The following GAS2L1 variants were observed in gnomAD, a reference collection of about 807,000 sequenced individuals.
GAS2L1 encodes GAS2-like protein 1.
A neutral mutation model predicts 44.0 loss-of-function variants in GAS2L1; 26 were observed. The observed-to-expected ratio is 0.59, with a 90% CI of 0.43 to 0.82. GAS2L1 has a LOEUF of 0.82. Ranked by LOEUF, GAS2L1 falls within the 40% of genes least tolerant of loss-of-function variation. GAS2L1 has a pLI of 0.00. For missense variants in GAS2L1, 1,006 were observed against 983.0 expected, an observed-to-expected ratio of 1.02 and a Z score of -0.31; for synonymous variants, 426 against 415.9, an observed-to-expected ratio of 1.02 and a Z score of -0.30.
Position 29,310,420 on chromosome 22 carries a change from C to CCT in GAS2L1, c.634-10_634-9dup. ...GGAGGACTTGACCTCTGACCCCTACCCTCTCTCTCTGGCCTCAGGTGAGGG... is the reference window on the plus strand; with the variant it reads ...GGAGGACTTGACCTCTGACCCCTACCCTCTCTCTCTCTGGCCTCAGGTGAGGG... On this transcript the variant is annotated intron_variant, in intron 1 of 4. Coordinates refer to ENST00000618518, the Ensembl canonical transcript of GAS2L1. The CCT allele has an allele frequency of 7.1e-7, 1 of 1,401,678 alleles. No individual in the cohort carries two copies. The highest frequency in any genetic ancestry group is 1.0e-6 in the Non-Finnish European group (1 of 988,360). The allele number at this position is 1,401,678 out of a possible 1,614,324, so 86.8% of individuals were successfully genotyped here.
intron 1 of GAS2L1, among the ~76,000 whole-genome samples, chr22:29,309,058 A>G (rs981909964): frequency 8.5e-5 from 13 of 152,284 alleles, no homozygotes; most frequent in African/African-American, 2.9e-4. Flanking sequence ...GGGGGGCCGC[A>G]TGATCGGGGC....
exon 5 of GAS2L1, chr22:29,311,607 C>T: frequency 1.3e-6 from 2 of 1,538,826 alleles, no homozygotes; most frequent in Middle Eastern, 1.7e-4. Context: ...ACCCAGCCGG[C>T]GGCTGACCAC....
exon 5 of GAS2L1, chr22:29,312,375 C>T (rs1044049432): frequency 1.9e-6 from 3 of 1,600,318 alleles, no homozygotes; most frequent in East Asian, 4.5e-5. Flanking sequence ...ACAGCCAGAC[C>T]GTAAACCCTC....
upstream of GAS2L1, chr22:29,307,006 C>T (rs1402293579): frequency 6.6e-6 from 1 of 152,208 alleles, no homozygotes; most frequent in East Asian, 1.9e-4. Context: ...ATCCGAATTC[C>T]AGGGAGGCGG....
chr22:29,310,277 TAAAAG>T (rs2061389695), intron 1 of GAS2L1, 157 bp from the exon 3 acceptor site: 3 of 394,876 alleles, frequency 7.6e-6, no homozygotes, highest in African/African-American at 6.6e-5. Flanking sequence ...ATAAAAAAAA[TAAAAG>T]AAAGGTCACG....
chr22:29,311,125 C>T lies in GAS2L1; in HGVS notation c.1010+127C>T, dbSNP rs2061400876. 8.9e-6 allele frequency: 8 copies of T among 903,650 alleles called. No individual in the cohort carries two copies. The South Asian group carries it at 1.0e-4, about 12-fold the overall frequency. The allele number at this position is 903,650 out of a possible 1,614,324, so 56.0% of individuals were successfully genotyped here. A position where few individuals can be genotyped will look rare whatever the true frequency, so the allele number is the denominator to read the frequency against. On this transcript the variant is annotated intron_variant, in intron 4 of 4. Transcript: ENST00000618518. ...TGGGAAAAGTTCCCGTGGGTGGGGGCGGGCCTGGCTTCCCATCTCCATGGC... is the reference window on the plus strand; with the variant it reads ...TGGGAAAAGTTCCCGTGGGTGGGGGTGGGCCTGGCTTCCCATCTCCATGGC...
chr22:29,308,697 C>T (rs778008336), exon 1 of GAS2L1: 31 of 1,502,590 alleles, frequency 2.1e-5, no homozygotes, highest in Non-Finnish European at 2.6e-5. Context: ...TGCCCGCGGC[C>T]CCCGCATGAC....
exon 5 of GAS2L1, chr22:29,312,591 G>T: frequency 1.1e-6 from 1 of 915,250 alleles, no homozygotes; most frequent in Admixed American, 3.2e-5. Flanking sequence ...TGCCTCTTGA[G>T]TACCAGACCT....
At chr22:29,311,968 C>G in exon 5 of GAS2L1, 2 of 1,609,292 alleles carry the variant, frequency 1.2e-6, no homozygotes, top group Admixed American at 1.7e-5. Context: ...TTCCGCACAC[C>G]CCTGCAGCTC....
upstream of GAS2L1, chr22:29,306,939 C>CG (rs918874897): frequency 2.0e-5 from 3 of 152,142 alleles, no homozygotes; most frequent in Non-Finnish European, 4.4e-5. Context: ...CCCGCCGGCT[C>CG]GGGGAAGGGG....
intron 4 of GAS2L1, 95 bp from the exon 6 acceptor site, chr22:29,311,367 C>A (rs2061403380): frequency 3.3e-6 from 2 of 610,104 alleles, no homozygotes; most frequent in Non-Finnish European, 5.7e-6. Flanking sequence ...CAGCCCCGTC[C>A]ACCAGCCACA....
At position 29,311,403 on chromosome 22, in the gene GAS2L1, G is replaced by C. The variant is rs1475173154; in HGVS notation, c.1011-59G>C. 23 of 691,090 alleles carry C rather than the reference G, an allele frequency of 3.3e-5. No individual in the cohort carries two copies. In the East Asian group the frequency reaches 6.2e-4, roughly 19 times the overall value. 42.8% of individuals were successfully genotyped at this position (691,090 alleles called of 1,614,324 possible). The stretch of plus-strand genomic sequence containing the variant: ...TACCCTGCTGTTCCTCTCCCTGCCT[G>C]TTCTGCATGCCAGTCCTTCCGTGGT... On this transcript the variant is annotated intron_variant, in intron 4 of 4. Transcript: ENST00000618518.
Position 29,311,378 on chromosome 22 carries a change from T to C in GAS2L1, c.1011-84T>C, listed in dbSNP as rs1319888547. 6.4e-6 allele frequency: 4 copies of C among 625,162 alleles called. No homozygotes were observed. The East Asian group carries it at 1.1e-4, about 18-fold the overall frequency. 38.7% of individuals were successfully genotyped at this position (625,162 alleles called of 1,614,324 possible). A position where few individuals can be genotyped will look rare whatever the true frequency, so the allele number is the denominator to read the frequency against. On this transcript the variant is annotated intron_variant, in intron 4 of 4. Transcript: ENST00000618518. ...CTGACAGCCCCGTCCACCAGCCACA[T>C]ACCCTGCTGTTCCTCTCCCTGCCTG...
At chr22:29,310,539 T>C (rs2061392325) in exon 2 of GAS2L1, 1 of 1,605,976 alleles carries the variant, frequency 6.2e-7, no homozygotes, top group Non-Finnish European at 8.5e-7. Context: ...CTGCTCATCT[T>C]TGTGCGGGTA....
At chr22:29,311,582 C>T (rs1335022114) in exon 5 of GAS2L1, 1 of 1,540,960 alleles carries the variant, frequency 6.5e-7, no homozygotes, top group South Asian at 1.2e-5. Context: ...CAGGCACTGG[C>T]CCCCGGAGGG....
At position 29,312,137 on chromosome 22, in the gene GAS2L1, C is replaced by T. The variant is rs763295422; in HGVS notation, c.1686C>T (p.Ser562=). ...CAGCTCCTGACTCTGCCTATTGTTC[C>T]TCCAGTTCCTCCTCTTCGTCCCTCA... The change falls in exon 5 of 5, where the codon TCC becomes TCT. Residue 562 remains serine (S), a synonymous_variant. Coordinates refer to ENST00000618518, the Ensembl canonical transcript of GAS2L1. 4.3e-6 allele frequency: 7 copies of T among 1,612,788 alleles called. No individual in the cohort carries two copies. The African/African-American group carries it at 9.3e-5, about 22-fold the overall frequency.
exon 1 of GAS2L1, chr22:29,308,466 A>G (rs751556696): frequency 1.2e-6 from 2 of 1,607,960 alleles, no homozygotes; most frequent in African/African-American, 1.3e-5. Flanking sequence ...GGAGGTGCTC[A>G]TGTTTGAGAC....
At chr22:29,311,083 C>A in intron 4 of GAS2L1, 85 bp downstream of exon 5, 1 of 1,306,038 alleles carries the variant, frequency 7.7e-7, no homozygotes, top group Non-Finnish European at 1.0e-6. Context: ...GCCTGTGCGC[C>A]AGAGTGACTC....
At chr22:29,311,505 T>G in exon 5 of GAS2L1, 8 of 1,527,558 alleles carry the variant, frequency 5.2e-6, no homozygotes, top group Non-Finnish European at 7.0e-6. Context: ...CCGCCGCTAC[T>G]CCGGGGACAG....
Sources: allele counts gnomAD v4.1 joint callset (sites outside exome capture counted in the v4.1 genomes callset), GRCh38; gene constraint gnomAD v4.1.1; transcripts MANE v1.5; gene names NCBI Gene and HGNC (gene_info 2026-07-23, HGNC 2026-07-21).